Variants in COL19A1 observed in about 807,000 individuals in gnomAD.
COL19A1 encodes collagen alpha-1(XIX) chain.
COL19A1 carries 159 observed loss-of-function variants against 190.2 expected under a neutral mutation model. The ratio of observed to expected loss-of-function variants is 0.84; its 90% CI spans 0.73 to 0.95. The LOEUF is 0.95. Ranked by LOEUF, COL19A1 falls within the 40% of genes least tolerant of loss-of-function variation. COL19A1 has a pLI of 0.00. For synonymous variants in COL19A1, 509 were observed against 458.9 expected, an observed-to-expected ratio of 1.11 and a Z score of -1.39; for missense variants, 1,418 against 1,431.9, an observed-to-expected ratio of 0.99 and a Z score of 0.16.
intron 11 of COL19A1, among the ~76,000 whole-genome samples, chr6:69,968,819 G>A (rs1206500294): frequency 4.6e-5 from 7 of 152,088 alleles, no homozygotes; most frequent in Non-Finnish European, 7.4e-5. Flanking sequence ...ATACGTAAAC[G>A]ATTATTCAGG....
chr6:70,115,801 T>C (rs1292109101), intron 16 of COL19A1, among the ~76,000 whole-genome samples: 2 of 146,832 alleles, frequency 1.4e-5, no homozygotes, highest in Non-Finnish European at 3.0e-5. Context: ...TTGTTGTTTT[T>C]TTTGTTTTGT....
intron 14 of COL19A1, among the ~76,000 whole-genome samples, chr6:70,037,774 A>C (rs1004493271): frequency 6.6e-6 from 1 of 152,194 alleles, no homozygotes; most frequent in Non-Finnish European, 1.5e-5. Context: ...TATTTTGTGG[A>C]TGTTTAATAG....
rs770751923 is a variant in COL19A1 at position 70,146,704 on chromosome 6, G to T, written c.1815+1G>T. 1.2e-6 allele frequency: 2 copies of T among 1,604,550 alleles called. No individual in the cohort carries two copies. Among genetic ancestry groups the T allele is most frequent in the South Asian group, 1.1e-5 (1 of 88,670 alleles). On this transcript the variant is annotated splice_donor_variant, in intron 26 of 50. Transcript: ENST00000620364. LOFTEE classifies it high-confidence loss of function. ...AGCACCTGGTCCACGTGGGCCAAAG[G>T]TATACAAATATTATAGTTAATTTTT...
At chr6:69,872,656 G>C (rs745952964) in intron 1 of COL19A1, among the ~76,000 whole-genome samples, 3 of 152,156 alleles carry the variant, frequency 2.0e-5, no homozygotes, top group Non-Finnish European at 2.9e-5. Context: ...GGCAAATGAT[G>C]GTGAGAATAA....
chr6:70,208,297 T>C lies in COL19A1; in HGVS notation c.*1023T>C, dbSNP rs1481384278. 6.6e-6 allele frequency: 1 copy of C among 152,208 alleles called. No homozygotes were observed. The highest frequency in any genetic ancestry group is 1.9e-4 in the East Asian group (1 of 5,196). 9.4% of individuals were successfully genotyped at this position (152,208 alleles called of 1,614,324 possible). A position where few individuals can be genotyped will look rare whatever the true frequency, so the allele number is the denominator to read the frequency against. On this transcript the variant is annotated 3_prime_UTR_variant, in exon 51 of 51. Coordinates refer to ENST00000620364, the MANE Select transcript of COL19A1 (RefSeq NM_001858.6). ...GAATGGACTCACTTGTCCTAGAAGA[T>C]GAATGTGTAGTGTCAGCAAATGCAT...
chr6:70,053,204 A>G (rs964471280), intron 14 of COL19A1, among the ~76,000 whole-genome samples: 5 of 152,214 alleles, frequency 3.3e-5, no homozygotes, highest in Admixed American at 2.6e-4. Context: ...TGTAATATGC[A>G]CTCTATATCT....
intron 14 of COL19A1, among the ~76,000 whole-genome samples, chr6:70,066,936 C>T (rs1327012600): frequency 1.3e-5 from 2 of 152,118 alleles, no homozygotes; most frequent in South Asian, 2.1e-4. Flanking sequence ...CTGCCTTTAT[C>T]CAAAAACTTT....
At chr6:70,031,257 A>T (rs762061353) in intron 12 of COL19A1, among the ~76,000 whole-genome samples, 3 of 151,844 alleles carry the variant, frequency 2.0e-5, no homozygotes, top group Non-Finnish European at 2.9e-5. Context: ...AATTTGAGCA[A>T]ATTCATGAGG....
At chr6:69,974,446 C>T (rs1212853857) in intron 11 of COL19A1, among the ~76,000 whole-genome samples, 2 of 152,178 alleles carry the variant, frequency 1.3e-5, no homozygotes, top group African/African-American at 2.4e-5. Flanking sequence ...TTAAGGTTTA[C>T]TTATGTGTAC....
At chr6:69,957,938 T>C (rs1311652950) in intron 9 of COL19A1, among the ~76,000 whole-genome samples, 3 of 152,192 alleles carry the variant, frequency 2.0e-5, no homozygotes, top group Non-Finnish European at 2.9e-5. Flanking sequence ...TGAGTTATCG[T>C]TGAGTCTAGA....
At chr6:69,937,036 T>A in intron 8 of COL19A1, 126 bp downstream of exon 8, 2 of 1,294,246 alleles carry the variant, frequency 1.5e-6, no homozygotes, top group Non-Finnish European at 2.1e-6. Context: ...ATACCTCAGT[T>A]ACTGGGGTGG....
intron 48 of COL19A1, among the ~76,000 whole-genome samples, chr6:70,198,803 G>C (rs1767369505): frequency 6.6e-6 from 1 of 152,180 alleles, no homozygotes; most frequent in Non-Finnish European, 1.5e-5. Flanking sequence ...TCAGGGACTT[G>C]AAGTGTTGCT....
rs573667794 is a variant in COL19A1 at position 70,074,071 on chromosome 6, T to C, written c.1224+5595T>C. Among the ~76,000 whole-genome samples, 3 of 152,312 alleles carry C rather than the reference T, an allele frequency of 2.0e-5. No homozygotes were observed. In the East Asian group the frequency reaches 5.8e-4, roughly 29 times the overall value. On this transcript the variant is annotated intron_variant, in intron 15 of 50. Coordinates refer to ENST00000620364, the MANE Select transcript of COL19A1 (RefSeq NM_001858.6). ...AAAATTTTCCTTAAGCTTATTTGTT[T>C]TTACAGGGCTTGGGATATTTTTCAA...
At chr6:69,992,247 G>A (rs535123403) in intron 11 of COL19A1, among the ~76,000 whole-genome samples, 120 of 151,978 alleles carry the variant, frequency 7.9e-4, no homozygotes, top group Middle Eastern at 6.8e-3. Context: ...AACCTGTTCC[G>A]TTGGTCTATG....
At chr6:69,958,603 A>G (rs1454403766) in intron 9 of COL19A1, among the ~76,000 whole-genome samples, 1 of 152,202 alleles carries the variant, frequency 6.6e-6, no homozygotes, top group East Asian at 1.9e-4. Context: ...TGATTCTGTA[A>G]CATTTAATTA....
At chr6:70,002,730 T>G (rs1189488815) in intron 11 of COL19A1, among the ~76,000 whole-genome samples, 1 of 151,364 alleles carries the variant, frequency 6.6e-6, no homozygotes, top group East Asian at 1.9e-4. Context: ...TTGTCACTTT[T>G]TATTGTGTCT....
chr6:69,894,765 A>G (rs1561971270), intron 2 of COL19A1, among the ~76,000 whole-genome samples: 1 of 152,212 alleles, frequency 6.6e-6, no homozygotes, highest in South Asian at 2.1e-4. Context: ...AGGATGTAAA[A>G]CAAGATGAGG....
intron 6 of COL19A1, 37 bp from the exon 7 acceptor site, chr6:69,932,746 A>G: frequency 7.6e-7 from 1 of 1,319,918 alleles, no homozygotes; most frequent in Non-Finnish European, 1.1e-6. Flanking sequence ...TGATTCCAAA[A>G]AACTAAAGAT....
At chr6:69,928,113 T>C (rs1772516635) in intron 5 of COL19A1, 81 bp downstream of exon 5, 1 of 1,553,194 alleles carries the variant, frequency 6.4e-7, no homozygotes, top group Non-Finnish European at 8.8e-7. Context: ...GTGCACAAAT[T>C]TGCGAGTAGA....
Sources: allele counts gnomAD v4.1 joint callset (sites outside exome capture counted in the v4.1 genomes callset), GRCh38; gene constraint gnomAD v4.1.1; transcripts MANE v1.5; gene names NCBI Gene and HGNC (gene_info 2026-07-23, HGNC 2026-07-21).